PHF19: variants seen among roughly 807,000 people sequenced by gnomAD.
The protein encoded by PHF19 is polycomb like 3.
PHF19 carries 21 observed loss-of-function variants against 79.8 expected under a neutral mutation model. The ratio of observed to expected loss-of-function variants is 0.26; its 90% CI spans 0.19 to 0.38. The LOEUF (loss-of-function observed/expected upper bound fraction) is 0.38, where lower values mean the gene tolerates loss of function less well. Ranked by LOEUF, PHF19 falls within the 10% of genes least tolerant of loss-of-function variation. The pLI is 1.00. For missense variants in PHF19, 445 were observed against 744.2 expected, an observed-to-expected ratio of 0.60 and a Z score of 4.68; for synonymous variants, 273 against 296.3, an observed-to-expected ratio of 0.92 and a Z score of 0.81.
At chr9:120,877,002 C>A in intron 1 of PHF19, 89 bp downstream of exon 1, 1 of 985,388 alleles carries the variant, frequency 1.0e-6, no homozygotes, top group African/African-American at 1.7e-5. Flanking sequence ...GTTCGGGCCG[C>A]CAAAGTTCAG....
At chr9:120,894,709 GGC>G in intron 1 of PHF19, 1 of 598,158 alleles carries the variant, frequency 1.7e-6, no homozygotes, top group South Asian at 8.2e-5. Flanking sequence ...ATATGGCGGC[GGC>G]GCGGGCCCAC....
At chr9:120,881,149 GTTTTT>G, upstream of PHF19, among the ~76,000 whole-genome samples, 1 of 133,666 alleles carries the variant, frequency 7.5e-6, no homozygotes, top group Non-Finnish European at 1.6e-5. Flanking sequence ...TCGGGGGTTT[GTTTTT>G]TTTTTTTTTT....
At chr9:120,896,451 C>CTT (rs71370604), upstream of PHF19, among the ~76,000 whole-genome samples, 12 of 82,710 alleles carry the variant, frequency 1.5e-4, no homozygotes, top group African/African-American at 1.8e-4. Flanking sequence ...TTTTTTTTTT[C>CTT]TTTTTTTTTT....
intron 9 of PHF19, 144 bp downstream of exon 9, chr9:120,865,566 A>C (rs954502683): frequency 1.9e-6 from 2 of 1,045,426 alleles, no homozygotes; most frequent in Non-Finnish European, 2.8e-6. Flanking sequence ...GAAGGCCCTT[A>C]AAGGACACAA....
In PHF19 at chr9:120,860,842, C is replaced by T. The variant is rs2045499403; in HGVS notation, c.1304+247G>A. The T allele has an allele frequency of 2.2e-6, 1 of 450,008 alleles. No homozygotes were observed. Among genetic ancestry groups the T allele is most frequent in the Admixed American group, 3.4e-5 (1 of 29,626 alleles). The allele number at this position is 450,008 out of a possible 1,614,324, so 27.9% of individuals were successfully genotyped here. A position where few individuals can be genotyped will look rare whatever the true frequency, so the allele number is the denominator to read the frequency against. On this transcript the variant is annotated intron_variant, in intron 13 of 14. Transcript: ENST00000373896. This position sits in a 1 kb window ranked among gnomAD's most constrained non-coding sequence, Gnocchi z 4.1. ...TCTCAGGCAGAGGGAGCAATACGAG[C>T]AAAGATGAGCAAGCATCAAACAGCA...
At chr9:120,858,352 C>T (rs2045407473) in intron 14 of PHF19, 66 bp from the exon 15 acceptor site, 5 of 1,219,256 alleles carry the variant, frequency 4.1e-6, no homozygotes, top group Non-Finnish European at 5.6e-6. Context: ...AATTCCTCTC[C>T]CTGAGTCCTC....
At chr9:120,875,076 CCT>C in intron 1 of PHF19, among the ~76,000 whole-genome samples, 1 of 152,176 alleles carries the variant, frequency 6.6e-6, no homozygotes, top group Non-Finnish European at 1.5e-5. Flanking sequence ...TGAACCACTC[CCT>C]GTCTCAGGAG....
rs752653975 is a variant in PHF19, at chr9:120,858,169, C to G, written c.1518G>C (p.Gly506=). 6.2e-7 allele frequency: 1 copy of G among 1,610,636 alleles called. No homozygotes were observed. Among genetic ancestry groups the G allele is most frequent in the South Asian group, 1.1e-5 (1 of 90,934 alleles). ...CGTCTGGCCGCTCGGGGACTGAAGC[C>G]CCCTCTGCACTGCTGTCCGAGGGGC... The part of the protein sequence containing the change: ...GRCPSDSSAE[G]ASVPERPDEG... Residue 506 remains glycine (G), a synonymous_variant, in exon 15 of 15, where the codon GGG becomes GGC. Transcript: ENST00000373896.
At position 120,860,282 on chromosome 9, in the gene PHF19, A is replaced by G; in HGVS notation, c.1305-97T>C. ...TCCCCTAACATGCATCCTTCATCCCAGTGGAGGCCCGTCTTCCCACAGCTG... is the reference window on the plus strand; with the variant it reads ...TCCCCTAACATGCATCCTTCATCCCGGTGGAGGCCCGTCTTCCCACAGCTG... On this transcript the variant is annotated intron_variant, in intron 13 of 14. Coordinates refer to ENST00000373896, the MANE Select transcript of PHF19 (RefSeq NM_015651.3). The surrounding 1 kb of genome is among the most constrained non-coding windows in gnomAD (Gnocchi z 4.1). The G allele has an allele frequency of 1.4e-6, 1 of 695,690 alleles. No individual in the cohort carries two copies. The highest frequency in any genetic ancestry group is 2.6e-6 in the Non-Finnish European group (1 of 379,686). 43.1% of individuals were successfully genotyped at this position (695,690 alleles called of 1,614,324 possible).
At chr9:120,858,997 T>C (rs2131472299) in intron 14 of PHF19, among the ~76,000 whole-genome samples, 2 of 152,238 alleles carry the variant, frequency 1.3e-5, no homozygotes. Flanking sequence ...TGCACGCCTG[T>C]AGTCCCAGCT....
At chr9:120,863,665 G>T (rs2045605852) in intron 10 of PHF19, among the ~76,000 whole-genome samples, 1 of 152,168 alleles carries the variant, frequency 6.6e-6, no homozygotes, top group Admixed American at 6.5e-5. Flanking sequence ...GGCCAGCTGT[G>T]TGTGCTGAGA....
At chr9:120,894,946 C>T, upstream of PHF19, 1 of 446,194 alleles carries the variant, frequency 2.2e-6, no homozygotes, top group Non-Finnish European at 3.6e-6. Flanking sequence ...CACAGTCCGC[C>T]AGCCTCGGCT....
chr9:120,858,819 A>ACACACTCACT (rs5900465), intron 14 of PHF19, among the ~76,000 whole-genome samples: 30 of 144,174 alleles, frequency 2.1e-4, no homozygotes, highest in Admixed American at 1.9e-3. Flanking sequence ...CATCACACAC[A>ACACACTCACT]CACACACACA....
chr9:120,869,436 G>T lies in PHF19; in HGVS notation c.466-106C>A. ...AGTGCTGCCAGGGCTTGGGGGACCC[G>T]CAGATATTCCAATATAGTCAGAAAA... is the stretch of plus-strand genomic sequence containing the variant. On this transcript the variant is annotated intron_variant, in intron 5 of 14. Transcript: ENST00000373896. This position sits in a 1 kb window ranked among gnomAD's most constrained non-coding sequence, Gnocchi z 5.8. 7.3e-7 allele frequency: 1 copy of T among 1,370,474 alleles called. No individual in the cohort carries two copies. Among genetic ancestry groups the T allele is most frequent in the Non-Finnish European group, 9.8e-7 (1 of 1,018,832 alleles). The allele number at this position is 1,370,474 out of a possible 1,614,324, so 84.9% of individuals were successfully genotyped here.
chr9:120,863,692 CAG>C (rs573064235), intron 10 of PHF19, among the ~76,000 whole-genome samples: 52 of 152,284 alleles, frequency 3.4e-4, no homozygotes, highest in Non-Finnish European at 6.2e-4. Context: ...GATGGGAAGA[CAG>C]GGGCTGAGGG....
upstream of PHF19, among the ~76,000 whole-genome samples, chr9:120,879,056 CTTT>C (rs2046138574): frequency 1.6e-4 from 3 of 18,530 alleles, 1 homozygote; most frequent in South Asian, 0.013. Flanking sequence ...TGTGTCACTT[CTTT>C]CTTTCTTTTT....
chr9:120,875,242 T>C (rs1349809201), intron 1 of PHF19, among the ~76,000 whole-genome samples: 1 of 152,210 alleles, frequency 6.6e-6, no homozygotes, highest in African/African-American at 2.4e-5. Context: ...AAAGGAAAAC[T>C]GGGTGGCTTG....
At position 120,870,500 on chromosome 9, in the gene PHF19, G is replaced by A. The variant is rs751530933; in HGVS notation, c.307C>T (p.Leu103=). 1 of 1,613,426 alleles carries A rather than the reference G, an allele frequency of 6.2e-7. No individual in the cohort carries two copies. Among genetic ancestry groups the A allele is most frequent in the Non-Finnish European group, 8.5e-7 (1 of 1,179,324 alleles). ...PGEEPKCNIC[L]GKTSGPLNEI... Reference sequence around the variant, plus strand: ...TTCAGCGGCCCTGATGTCTTCCCTAGGCAGATGTTGCACTTGGGCTCCTCT... The same window carrying A: ...TTCAGCGGCCCTGATGTCTTCCCTAAGCAGATGTTGCACTTGGGCTCCTCT... Residue 103 remains leucine, a synonymous_variant, in exon 4 of 15, where the codon CTA becomes TTA. Transcript: ENST00000373896. This position sits in a 1 kb window ranked among gnomAD's most constrained non-coding sequence, Gnocchi z 4.4.
intron 6 of PHF19, chr9:120,868,319 T>TA (rs1304348736): frequency 6.6e-6 from 1 of 152,286 alleles, no homozygotes; most frequent in Non-Finnish European, 1.5e-5. Context: ...CATGCATTAG[T>TA]ACCACCACTA....
Sources: gnomAD v4.1 joint callset for allele counts (sites outside exome capture counted in the v4.1 genomes callset) on GRCh38, gnomAD v4.1.1 for gene constraint, Gnocchi (gnomAD v3.1) non-coding constraint, MANE v1.5 for transcripts, NCBI Gene and HGNC (gene_info 2026-07-23, HGNC 2026-07-21) for gene names.